The following RIMKLB variants were observed in gnomAD, a reference collection of about 807,000 sequenced individuals.
RIMKLB encodes ribosomal modification protein rimK like family member B.
A neutral mutation model predicts 32.0 loss-of-function variants in RIMKLB; 7 were observed. The observed-to-expected ratio is 0.22, with a 90% CI of 0.12 to 0.41. RIMKLB has a LOEUF of 0.41. Ranked by LOEUF, RIMKLB falls within the 10% of genes least tolerant of loss-of-function variation. The pLI is 1.00. For missense variants in RIMKLB, 289 were observed against 498.7 expected, an observed-to-expected ratio of 0.58 and a Z score of 4.00; for synonymous variants, 172 against 185.1, an observed-to-expected ratio of 0.93 and a Z score of 0.57.
chr12:8,738,736 AC>A (rs1355647429), intron 2 of RIMKLB, among the ~76,000 whole-genome samples: 1 of 152,116 alleles, frequency 6.6e-6, no homozygotes, highest in East Asian at 1.9e-4. Flanking sequence ...GAGGAGTGAT[AC>A]CCCCCGTCCC....
chr12:8,683,105 TGCTGATTAA>T (rs1942463694), intron 1 of RIMKLB, among the ~76,000 whole-genome samples: 1 of 152,210 alleles, frequency 6.6e-6, no homozygotes, highest in South Asian at 2.1e-4. Flanking sequence ...TTCTTTTTAT[TGCTGATTAA>T]TATCCCATTG....
intron 2 of RIMKLB, among the ~76,000 whole-genome samples, chr12:8,744,751 C>T (rs980693840): frequency 1.3e-5 from 2 of 151,832 alleles, no homozygotes; most frequent in African/African-American, 4.9e-5. Flanking sequence ...ACCTCTGCCT[C>T]CTAGGTTCAA....
rs767667622 is a variant in RIMKLB, at chr12:8,727,984, A to G, written c.175+13943A>G. Among the ~76,000 whole-genome samples, 67 of 152,294 alleles carry G rather than the reference A, an allele frequency of 4.4e-4. 1 individual carries two copies. In the South Asian group the frequency reaches 9.1e-3, roughly 21 times the overall value. ...TACATGCATACATTCGTGGAATGCA[A>G]AACCCACAGTTAGGGCCAACTTTTG... On this transcript the variant is annotated intron_variant, in intron 2 of 5. Transcript: ENST00000535829.
chr12:8,699,285 G>A (rs1229222724), intron 1 of RIMKLB, among the ~76,000 whole-genome samples: 1 of 151,974 alleles, frequency 6.6e-6, no homozygotes, highest in Non-Finnish European at 1.5e-5. Context: ...GGCTTGGTAT[G>A]TTCATTATAT....
intron 2 of RIMKLB, among the ~76,000 whole-genome samples, chr12:8,729,569 T>C (rs1427602317): frequency 6.6e-6 from 1 of 152,064 alleles, no homozygotes; most frequent in Non-Finnish European, 1.5e-5. Flanking sequence ...TGGGTGGTTT[T>C]GGAAAAGGCA....
intron 5 of RIMKLB, among the ~76,000 whole-genome samples, chr12:8,767,748 C>T (rs754757401): frequency 3.9e-5 from 6 of 152,120 alleles, no homozygotes; most frequent in Admixed American, 6.5e-5. Flanking sequence ...GGCAGACCAA[C>T]GCTCCCAATC....
At chr12:8,764,497 G>A (rs1205214140) in intron 5 of RIMKLB, among the ~76,000 whole-genome samples, 2 of 152,194 alleles carry the variant, frequency 1.3e-5, no homozygotes, top group Non-Finnish European at 2.9e-5. Context: ...CTAGTGACTG[G>A]CTGTCCTAGG....
upstream of RIMKLB, among the ~76,000 whole-genome samples, chr12:8,677,098 C>T (rs1392180524): frequency 6.6e-6 from 1 of 152,170 alleles, no homozygotes; most frequent in Non-Finnish European, 1.5e-5. Flanking sequence ...CATTCAAACT[C>T]TAGCTGTAGG....
At chr12:8,710,566 A>G (rs1944292112) in intron 1 of RIMKLB, among the ~76,000 whole-genome samples, 1 of 152,032 alleles carries the variant, frequency 6.6e-6, no homozygotes, top group Non-Finnish European at 1.5e-5. Flanking sequence ...TTGGCCTTCC[A>G]AAGTTCTGGG....
intron 1 of RIMKLB, among the ~76,000 whole-genome samples, chr12:8,689,037 T>C: frequency 6.6e-6 from 1 of 152,206 alleles, no homozygotes; most frequent in East Asian, 1.9e-4. Flanking sequence ...GGTTTCGCCA[T>C]GTTGGCCAGG....
At position 8,777,004 on chromosome 12, in the gene RIMKLB, T is replaced by C. The variant is rs1247673582; in HGVS notation, c.*3220T>C. On this transcript the variant is annotated 3_prime_UTR_variant, in exon 6 of 6. Coordinates refer to ENST00000535829, the MANE Select transcript of RIMKLB (RefSeq NM_001297776.2). ...TTATACTTTTCTCCTGGCTCACTTT[T>C]TTTGAGAAGGTTTATGGGCTATTTG... 1.0e-6 allele frequency: 1 copy of C among 985,722 alleles called. No homozygotes were observed. The highest frequency in any genetic ancestry group is 1.2e-6 in the Non-Finnish European group (1 of 829,942). The allele number at this position is 985,722 out of a possible 1,614,324, so 61.1% of individuals were successfully genotyped here. A position where few individuals can be genotyped will look rare whatever the true frequency, so the allele number is the denominator to read the frequency against.
intron 2 of RIMKLB, among the ~76,000 whole-genome samples, chr12:8,733,960 T>C (rs1322089413): frequency 6.6e-6 from 1 of 152,152 alleles, no homozygotes; most frequent in East Asian, 1.9e-4. Context: ...CTACTATATA[T>C]TGACACTTTG....
At chr12:8,693,001 C>G (rs910451138), upstream of RIMKLB, among the ~76,000 whole-genome samples, 2 of 152,194 alleles carry the variant, frequency 1.3e-5, no homozygotes, top group African/African-American at 4.8e-5. Context: ...ATAACTATCT[C>G]AAAGATTAAA....
At chr12:8,710,853 C>G (rs1053167678) in intron 1 of RIMKLB, among the ~76,000 whole-genome samples, 2 of 150,366 alleles carry the variant, frequency 1.3e-5, no homozygotes, top group African/African-American at 2.5e-5. Flanking sequence ...ATTGGCAAGG[C>G]ATGGTGGCTC....
the RIMKLB span, among the ~76,000 whole-genome samples, chr12:8,671,943 T>C: frequency 1.2e-3 from 164 of 139,534 alleles, 2 homozygotes; most frequent in East Asian, 0.026. Flanking sequence ...AAACAAAGCC[T>C]GAATGCCTTT....
chr12:8,712,968 T>G lies in RIMKLB; in HGVS notation c.-56-843T>G, dbSNP rs80054230. Among the ~76,000 whole-genome samples the G allele has an allele frequency of 8.5e-4, 130 of 152,316 alleles. No individual in the cohort carries two copies. In the East Asian group the frequency reaches 0.016, roughly 19 times the overall value. ...GTTGCTTGTTCTGAAACTTGTAACT[T>G]TTTTGCTTCTCAGGAAGGTGATTTT... On this transcript the variant is annotated intron_variant, in intron 1 of 5. Coordinates refer to ENST00000535829, the MANE Select transcript of RIMKLB (RefSeq NM_001297776.2).
At chr12:8,729,123 A>G (rs781380788) in intron 2 of RIMKLB, among the ~76,000 whole-genome samples, 5 of 152,254 alleles carry the variant, frequency 3.3e-5, no homozygotes, top group Non-Finnish European at 5.9e-5. Flanking sequence ...CCCCAAAGGA[A>G]GTGTTACAGT....
intron 2 of RIMKLB, among the ~76,000 whole-genome samples, chr12:8,723,803 C>A (rs1330712198): frequency 1.9e-5 from 2 of 105,728 alleles, no homozygotes; most frequent in Non-Finnish European, 4.1e-5. Flanking sequence ...TCTTCAGTTC[C>A]CTTTTTTTTT....
At chr12:8,726,514 G>A (rs1946021838) in intron 2 of RIMKLB, among the ~76,000 whole-genome samples, 1 of 152,104 alleles carries the variant, frequency 6.6e-6, no homozygotes, top group Non-Finnish European at 1.5e-5. Context: ...TAATACAGCT[G>A]TTTTTCTACA....
Sources: gnomAD v4.1 joint callset for allele counts (sites outside exome capture counted in the v4.1 genomes callset) on GRCh38, gnomAD v4.1.1 for gene constraint, MANE v1.5 for transcripts, NCBI Gene and HGNC (gene_info 2026-07-23, HGNC 2026-07-21) for gene names.